The following SORCS1 variants were observed in gnomAD, a reference collection of about 807,000 sequenced individuals.
The protein encoded by SORCS1 is sortilin related VPS10 domain containing receptor 1.
Under a neutral mutation model 146.1 loss-of-function variants are expected in SORCS1, and 60 were observed. That is an observed-to-expected ratio of 0.41 (90% confidence interval 0.33 to 0.51). The LOEUF (loss-of-function observed/expected upper bound fraction) is 0.51, where lower values mean the gene tolerates loss of function less well. Ranked by LOEUF, SORCS1 falls within the 20% of genes least tolerant of loss-of-function variation. The pLI, the probability that SORCS1 is intolerant of heterozygous loss-of-function variation, is 0.21. For synonymous variants in SORCS1, 637 were observed against 584.0 expected (o/e 1.09, Z -1.31); for missense variants, 1,352 against 1,487.6 (o/e 0.91, Z 1.50).
intron 3 of SORCS1, among the ~76,000 whole-genome samples, chr10:106,784,205 C>G (rs1227317927): frequency 6.6e-6 from 1 of 152,088 alleles, no homozygotes. Context: ...ACCATCCTGG[C>G]TAACACAGTG....
intron 23 of SORCS1, among the ~76,000 whole-genome samples, chr10:106,605,665 G>A (rs1784016933): frequency 6.6e-6 from 1 of 152,172 alleles, no homozygotes; most frequent in South Asian, 2.1e-4. Context: ...ATGATGGGAA[G>A]CTGAGGTGGG....
At chr10:106,905,692 T>C (rs1467304884) in intron 2 of SORCS1, among the ~76,000 whole-genome samples, 1 of 152,212 alleles carries the variant, frequency 6.6e-6, no homozygotes, top group African/African-American at 2.4e-5. Context: ...TCATTTGGCT[T>C]TGGTCCAATC....
chr10:107,148,047 A>G (rs1968481339), intron 1 of SORCS1, among the ~76,000 whole-genome samples: 1 of 152,214 alleles, frequency 6.6e-6, no homozygotes, highest in Admixed American at 6.5e-5. Flanking sequence ...CAGAGGCAGT[A>G]AAGTTTTAGG....
At chr10:106,823,654 G>T (rs544083089) in intron 3 of SORCS1, among the ~76,000 whole-genome samples, 73 of 152,202 alleles carry the variant, frequency 4.8e-4, no homozygotes, top group Middle Eastern at 3.4e-3. Flanking sequence ...TATTAGACAT[G>T]GTCAAGAACA....
At chr10:106,911,443 C>T (rs1211704127) in intron 2 of SORCS1, among the ~76,000 whole-genome samples, 4 of 152,162 alleles carry the variant, frequency 2.6e-5, no homozygotes, top group Non-Finnish European at 5.9e-5. Context: ...TTCTTCTCCT[C>T]TTAAATTTCA....
chr10:106,787,298 A>T (rs1187352121), intron 3 of SORCS1, among the ~76,000 whole-genome samples: 1 of 152,176 alleles, frequency 6.6e-6, no homozygotes, highest in Admixed American at 6.5e-5. Context: ...TCAGTTTGGA[A>T]AATGGATCTT....
chr10:106,937,108 G>A (rs1274040030), intron 2 of SORCS1, among the ~76,000 whole-genome samples: 1 of 151,950 alleles, frequency 6.6e-6, no homozygotes. Flanking sequence ...GGAGGTAACT[G>A]AATCATGGGG....
chr10:106,954,835 G>A (rs1191814804), intron 2 of SORCS1, among the ~76,000 whole-genome samples: 18 of 152,172 alleles, frequency 1.2e-4, no homozygotes, highest in Non-Finnish European at 2.6e-4. Context: ...CCCGCCTTCT[G>A]GTAGGGACTA....
chr10:106,943,881 G>A (rs565001846), intron 2 of SORCS1, among the ~76,000 whole-genome samples: 7 of 152,044 alleles, frequency 4.6e-5, no homozygotes, highest in African/African-American at 9.6e-5. Context: ...GTCTTCCTCC[G>A]TCTTCTCCTA....
chr10:106,814,476 A>G lies in SORCS1; in HGVS notation c.726+15098T>C, dbSNP rs1947630999. Among the ~76,000 whole-genome samples, 4 of 152,338 alleles carry G rather than the reference A, an allele frequency of 2.6e-5. No homozygotes were observed. In the South Asian group the frequency reaches 6.2e-4, roughly 24 times the overall value. ...ATCGGGGTTCTAGTTAAAGGCAACCAGTCACTAACTAGGCTTCACATATAA... is the reference window on the plus strand; with the variant it reads ...ATCGGGGTTCTAGTTAAAGGCAACCGGTCACTAACTAGGCTTCACATATAA... On this transcript the variant is annotated intron_variant, in intron 3 of 25. Coordinates refer to ENST00000263054, the MANE Select transcript of SORCS1 (RefSeq NM_052918.5).
intron 4 of SORCS1, among the ~76,000 whole-genome samples, chr10:106,773,684 T>C (rs1374875556): frequency 1.3e-5 from 2 of 152,132 alleles, no homozygotes; most frequent in Non-Finnish European, 2.9e-5. Flanking sequence ...GCGTGGTGGC[T>C]CATGTCCGTA....
chr10:106,822,449 T>C (rs1215190827), intron 3 of SORCS1, among the ~76,000 whole-genome samples: 2 of 152,154 alleles, frequency 1.3e-5, no homozygotes, highest in African/African-American at 4.8e-5. Context: ...TCCAACCCTG[T>C]TTCAAAGAGA....
chr10:106,821,086 T>C (rs1004761651), intron 3 of SORCS1, among the ~76,000 whole-genome samples: 1 of 152,240 alleles, frequency 6.6e-6, no homozygotes, highest in Non-Finnish European at 1.5e-5. Context: ...TCTATTATGC[T>C]TACTTGAAGA....
At chr10:107,071,452 A>G (rs1161487321) in intron 1 of SORCS1, among the ~76,000 whole-genome samples, 1 of 152,214 alleles carries the variant, frequency 6.6e-6, no homozygotes, top group South Asian at 2.1e-4. Context: ...AAGCCAACCT[A>G]TGAACCTCTT....
chr10:106,746,067 AG>A, intron 5 of SORCS1, among the ~76,000 whole-genome samples: 1 of 152,342 alleles, frequency 6.6e-6, no homozygotes, highest in East Asian at 1.9e-4. Flanking sequence ...GGAAAGACGG[AG>A]GAACTCCTAT....
intron 1 of SORCS1, among the ~76,000 whole-genome samples, chr10:107,018,743 G>A (rs578182773): frequency 1.3e-5 from 2 of 152,042 alleles, no homozygotes; most frequent in African/African-American, 4.8e-5. Context: ...GGAGCTCTAG[G>A]AATGTTCTGC....
At chr10:106,971,841 T>G (rs908243282) in intron 1 of SORCS1, among the ~76,000 whole-genome samples, 1 of 152,174 alleles carries the variant, frequency 6.6e-6, no homozygotes, top group Non-Finnish European at 1.5e-5. Context: ...GTGCAGATTT[T>G]GAATCAAAGT....
intron 1 of SORCS1, among the ~76,000 whole-genome samples, chr10:107,055,223 T>C (rs1402719707): frequency 6.6e-6 from 1 of 152,224 alleles, no homozygotes; most frequent in Non-Finnish European, 1.5e-5. Flanking sequence ...ACAGCTCTTT[T>C]ATCCCTGTTA....
chr10:106,932,490 G>A (rs1459375650), intron 2 of SORCS1, among the ~76,000 whole-genome samples: 1 of 152,136 alleles, frequency 6.6e-6, no homozygotes, highest in Admixed American at 6.5e-5. Context: ...TAGAGTGATA[G>A]TGATCTTTCT....
Sources: gnomAD v4.1 joint callset for allele counts (sites outside exome capture counted in the v4.1 genomes callset) on GRCh38, gnomAD v4.1.1 for gene constraint, MANE v1.5 for transcripts, NCBI Gene and HGNC (gene_info 2026-07-23, HGNC 2026-07-21) for gene names.